The following TRPS1 variants were observed in gnomAD, a reference collection of about 807,000 sequenced individuals.
TRPS1 encodes the protein zinc finger transcription factor Trps1.
Under a neutral mutation model 101.2 loss-of-function variants are expected in TRPS1, and 6 were observed. The ratio of observed to expected loss-of-function variants is 0.06; its 90% CI spans 0.03 to 0.12. The LOEUF (loss-of-function observed/expected upper bound fraction) is 0.12, where lower values mean the gene tolerates loss of function less well. TRPS1 is among the 10% of genes least tolerant of loss of function. The pLI is 1.00. For synonymous variants in TRPS1, 578 were observed against 589.8 expected (o/e 0.98, Z 0.29); for missense variants, 1,363 against 1,567.0 (o/e 0.87, Z 2.20).
intron 1 of TRPS1, among the ~76,000 whole-genome samples, chr8:115,654,501 C>G (rs1281548813): frequency 6.6e-6 from 1 of 152,106 alleles, no homozygotes; most frequent in Non-Finnish European, 1.5e-5. Context: ...AGTTTTTCAA[C>G]CTGCCAAGGG....
Position 115,604,998 on chromosome 8 carries a change from G to A in TRPS1, c.971C>T (p.Thr324Ile). 1.2e-6 allele frequency: 2 copies of A among 1,613,060 alleles called. No homozygotes were observed. The highest frequency in any genetic ancestry group is 1.7e-6 in the Non-Finnish European group (2 of 1,179,878). The change falls in exon 4 of 7, where the codon ACT becomes ATT. Residue 324 changes from threonine to isoleucine, a missense_variant. Physicochemically the swap from Thr to Ile is moderately conservative, Grantham distance 89. Transcript: ENST00000395715. This position sits in a 1 kb window ranked among gnomAD's most constrained non-coding sequence, Gnocchi z 4.1. ...AATGCCAATGAATGTTCCACCTGAA[G>A]TCACCTGGAGAACAGAAGAAATGGA... ...LLNGTYDVQV[T>I]SGGTFIGIGR...
intron 1 of TRPS1, among the ~76,000 whole-genome samples, chr8:115,642,896 C>T (rs1260765083): frequency 6.8e-6 from 1 of 147,790 alleles, no homozygotes; most frequent in Non-Finnish European, 1.5e-5. Context: ...ATATATATAA[C>T]ACCTCGGAGA....
At chr8:115,587,650 GTTGTT>G in intron 4 of TRPS1, 46 bp from the exon 5 acceptor site, 2 of 1,612,360 alleles carry the variant, frequency 1.2e-6, no homozygotes, top group South Asian at 2.2e-5. Flanking sequence ...GTTCTGAAGG[GTTGTT>G]TTATTTTTAA....
chr8:115,595,538 T>C (rs1002361209), intron 4 of TRPS1, among the ~76,000 whole-genome samples: 5 of 151,916 alleles, frequency 3.3e-5, no homozygotes, highest in Non-Finnish European at 5.9e-5. Flanking sequence ...TAACTGGCTT[T>C]TGGGGACATG....
chr8:115,667,826 G>A (rs1455141422), intron 1 of TRPS1: 9 of 1,534,764 alleles, frequency 5.9e-6, no homozygotes, highest in Non-Finnish European at 6.1e-6. Context: ...ACCATACGGA[G>A]GCCCGTCTCT....
intron 5 of TRPS1, among the ~76,000 whole-genome samples, chr8:115,576,621 C>A (rs1817325578): frequency 6.6e-6 from 1 of 152,060 alleles, no homozygotes; most frequent in African/African-American, 2.4e-5. Flanking sequence ...GCACTTTCCA[C>A]TACATCACAA....
chr8:115,622,009 A>G lies in TRPS1; in HGVS notation c.37+1592T>C, dbSNP rs1023886227. ...ATAATGTTATTCGCCAAATACCTAT[A>G]AAAGCTCCCTCTTGGAACAAAATTA... is the stretch of plus-strand genomic sequence containing the variant. On this transcript the variant is annotated intron_variant, in intron 2 of 6. Coordinates refer to ENST00000395715, the MANE Select transcript of TRPS1 (RefSeq NM_014112.5). Among the ~76,000 whole-genome samples the G allele has an allele frequency of 5.3e-5, 8 of 152,308 alleles. No individual in the cohort carries two copies. The South Asian group carries it at 1.4e-3, about 28-fold the overall frequency.
intron 1 of TRPS1, among the ~76,000 whole-genome samples, chr8:115,625,771 T>TG (rs1818492357): frequency 6.6e-6 from 1 of 151,868 alleles, no homozygotes; most frequent in African/African-American, 2.4e-5. Context: ...CACACACACA[T>TG]CACATTCTGA....
chr8:115,501,924 T>C (rs1815329183), intron 5 of TRPS1, among the ~76,000 whole-genome samples: 2 of 152,174 alleles, frequency 1.3e-5, no homozygotes, highest in South Asian at 4.2e-4. Flanking sequence ...TCCATCTTCA[T>C]TGCCAGCAGG....
At chr8:115,575,018 C>G (rs1456511021) in intron 5 of TRPS1, among the ~76,000 whole-genome samples, 1 of 152,112 alleles carries the variant, frequency 6.6e-6, no homozygotes, top group Admixed American at 6.6e-5. Flanking sequence ...TCTCAGGAGT[C>G]TATATACATG....
intron 5 of TRPS1, among the ~76,000 whole-genome samples, chr8:115,571,582 T>C (rs1272662635): frequency 6.6e-6 from 1 of 152,154 alleles, no homozygotes. Context: ...TGACTTAATG[T>C]GATACAGTAT....
chr8:115,600,045 TG>T (rs1196175160), intron 4 of TRPS1, among the ~76,000 whole-genome samples: 1 of 152,132 alleles, frequency 6.6e-6, no homozygotes, highest in African/African-American at 2.4e-5. Context: ...TGGCATGAGA[TG>T]GTATCTCATT....
intron 5 of TRPS1, among the ~76,000 whole-genome samples, chr8:115,493,285 T>A (rs990493966): frequency 2.6e-5 from 4 of 152,224 alleles, no homozygotes; most frequent in Non-Finnish European, 5.9e-5. Flanking sequence ...CTACTGTATG[T>A]CACATGGCAT....
intron 5 of TRPS1, among the ~76,000 whole-genome samples, chr8:115,492,749 T>C (rs1230635724): frequency 6.6e-6 from 1 of 152,162 alleles, no homozygotes; most frequent in Non-Finnish European, 1.5e-5. Context: ...AGTCTCACTC[T>C]GTCACCCAGG....
rs1812738856 is a variant in TRPS1, at chr8:115,409,517, C to T, written c.*4506G>A. The stretch of plus-strand genomic sequence containing the variant: ...CATTTTCTTCATGTGACATACTTGA[C>T]ATACTTCTGCCCTAGCATATTCCAG... On this transcript the variant is annotated 3_prime_UTR_variant, in exon 7 of 7. Coordinates refer to ENST00000395715, the MANE Select transcript of TRPS1 (RefSeq NM_014112.5). The T allele has an allele frequency of 6.6e-6, 1 of 152,034 alleles. No homozygotes were observed. Among genetic ancestry groups the T allele is most frequent in the South Asian group, 2.1e-4 (1 of 4,830 alleles). 9.4% of individuals were successfully genotyped at this position (152,034 alleles called of 1,614,324 possible).
At chr8:115,415,999 T>C (rs1400919556) in intron 6 of TRPS1, among the ~76,000 whole-genome samples, 1 of 152,128 alleles carries the variant, frequency 6.6e-6, no homozygotes. Flanking sequence ...ATTTTTTTTT[T>C]CTTCTCATTT....
chr8:115,524,064 T>C (rs1815933428), intron 5 of TRPS1, among the ~76,000 whole-genome samples: 1 of 152,152 alleles, frequency 6.6e-6, no homozygotes. Context: ...TCTTAAAAAT[T>C]ATCCATAACT....
At chr8:115,493,013 C>T (rs866755538) in intron 5 of TRPS1, among the ~76,000 whole-genome samples, 5 of 152,004 alleles carry the variant, frequency 3.3e-5, no homozygotes, top group Non-Finnish European at 5.9e-5. Flanking sequence ...CCTTGCCTGG[C>T]CCAGACAAAG....
intron 5 of TRPS1, among the ~76,000 whole-genome samples, chr8:115,575,787 T>C (rs1301006581): frequency 6.6e-6 from 1 of 152,168 alleles, no homozygotes; most frequent in Non-Finnish European, 1.5e-5. Context: ...GTTTATAGTT[T>C]TAAGATTTCA....
Sources: allele counts gnomAD v4.1 joint callset (sites outside exome capture counted in the v4.1 genomes callset), GRCh38; gene constraint gnomAD v4.1.1; non-coding constraint Gnocchi (gnomAD v3.1); transcripts MANE v1.5; gene names NCBI Gene and HGNC (gene_info 2026-07-23, HGNC 2026-07-21).